SOCS5: variants seen among roughly 807,000 people sequenced by gnomAD.
The protein encoded by SOCS5 is CIS-6.
Under a neutral mutation model 42.8 loss-of-function variants are expected in SOCS5, and 32 were observed. The observed-to-expected ratio is 0.75, with a 90% confidence interval of 0.56 to 1.01. SOCS5 has a LOEUF of 1.01. Ranked by LOEUF, SOCS5 falls within the 50% of genes least tolerant of loss-of-function variation. The pLI is 0.00. For synonymous variants in SOCS5, 283 were observed against 229.6 expected, an observed-to-expected ratio of 1.23 and a Z score of -2.10; for missense variants, 627 against 653.0, an observed-to-expected ratio of 0.96 and a Z score of 0.43.
intron 1 of SOCS5, among the ~76,000 whole-genome samples, chr2:46,704,282 C>T (rs1270434290): frequency 1.3e-5 from 2 of 152,102 alleles, no homozygotes; most frequent in Non-Finnish European, 2.9e-5. Context: ...GTCCAGTCTT[C>T]CTATTCTGAG....
intron 1 of SOCS5, among the ~76,000 whole-genome samples, chr2:46,734,788 T>C (rs1300707380): frequency 5.9e-5 from 9 of 152,212 alleles, no homozygotes; most frequent in Non-Finnish European, 1.3e-4. Context: ...GTCTTAGTCA[T>C]TGAATAAGAC....
intron 1 of SOCS5, among the ~76,000 whole-genome samples, chr2:46,713,567 C>G (rs1672675861): frequency 6.6e-6 from 1 of 151,968 alleles, no homozygotes; most frequent in Non-Finnish European, 1.5e-5. Flanking sequence ...ATTAATCTAA[C>G]TTGAGAAAGG....
At chr2:46,727,452 ACT>A (rs1377612135) in intron 1 of SOCS5, among the ~76,000 whole-genome samples, 1 of 151,874 alleles carries the variant, frequency 6.6e-6, no homozygotes, top group East Asian at 1.9e-4. Flanking sequence ...ACATTATAAG[ACT>A]CTGGATCTTA....
At chr2:46,720,759 G>C (rs907398522) in intron 1 of SOCS5, among the ~76,000 whole-genome samples, 5 of 152,096 alleles carry the variant, frequency 3.3e-5, no homozygotes, top group Non-Finnish European at 5.9e-5. Context: ...TGCATCATAG[G>C]GGGTCCCTGG....
intron 1 of SOCS5, among the ~76,000 whole-genome samples, chr2:46,711,939 G>A (rs1672631926): frequency 6.6e-6 from 1 of 152,128 alleles, no homozygotes; most frequent in Non-Finnish European, 1.5e-5. Flanking sequence ...TCATCTGTTT[G>A]TCTTTCTGCC....
intron 1 of SOCS5, among the ~76,000 whole-genome samples, chr2:46,742,340 C>T (rs1673396889): frequency 6.7e-6 from 1 of 148,550 alleles, no homozygotes; most frequent in South Asian, 2.2e-4. Context: ...CTCTCCATAC[C>T]CCCACCCCCA....
intron 1 of SOCS5, among the ~76,000 whole-genome samples, chr2:46,752,409 G>C (rs576678039): frequency 6.6e-6 from 1 of 152,250 alleles, no homozygotes; most frequent in East Asian, 1.9e-4. Context: ...TGTTTTAGAA[G>C]TCTCTGAGTG....
chr2:46,751,739 A>C (rs1450964150), intron 1 of SOCS5, among the ~76,000 whole-genome samples: 5 of 152,202 alleles, frequency 3.3e-5, no homozygotes, highest in African/African-American at 1.2e-4. Context: ...TGTTCCATAG[A>C]ATGACTGTTA....
chr2:46,747,998 TA>T (rs899749566), intron 1 of SOCS5, among the ~76,000 whole-genome samples: 1 of 152,180 alleles, frequency 6.6e-6, no homozygotes, highest in Non-Finnish European at 1.5e-5. Context: ...TGCTAATTGG[TA>T]AAACCAAAAC....
chr2:46,728,335 C>G (rs1212184428), intron 1 of SOCS5, among the ~76,000 whole-genome samples: 1 of 152,122 alleles, frequency 6.6e-6, no homozygotes, highest in Non-Finnish European at 1.5e-5. Flanking sequence ...TGTTTTTACT[C>G]TATCTTGGTT....
chr2:46,706,230 T>C (rs1327103049), intron 1 of SOCS5, among the ~76,000 whole-genome samples: 1 of 152,248 alleles, frequency 6.6e-6, no homozygotes, highest in Non-Finnish European at 1.5e-5. Flanking sequence ...TATCCCATTT[T>C]ATAGAAGAGC....
At chr2:46,746,922 C>CTTTTTTTTTTTTTTTTTTTTTTT (rs11373537) in intron 1 of SOCS5, among the ~76,000 whole-genome samples, 1 of 70,792 alleles carries the variant, frequency 1.4e-5, no homozygotes, top group African/African-American at 4.7e-5. Context: ...GACTTTATTT[C>CTTTTTTTTTTTTTTTTTTTTTTT]TTTTTTTTTT....
At chr2:46,727,664 G>A (rs1021358099) in intron 1 of SOCS5, among the ~76,000 whole-genome samples, 1 of 152,130 alleles carries the variant, frequency 6.6e-6, no homozygotes, top group Non-Finnish European at 1.5e-5. Flanking sequence ...TTCGAGATAG[G>A]TGGTAATCTC....
At chr2:46,725,395 T>C (rs1197603510) in intron 1 of SOCS5, among the ~76,000 whole-genome samples, 8 of 152,096 alleles carry the variant, frequency 5.3e-5, no homozygotes, top group Admixed American at 5.2e-4. Context: ...GGCTCTGCTG[T>C]TTTATTATTT....
At chr2:46,739,871 A>G (rs1673330583) in intron 1 of SOCS5, among the ~76,000 whole-genome samples, 1 of 152,202 alleles carries the variant, frequency 6.6e-6, no homozygotes, top group Admixed American at 6.5e-5. Context: ...TCAATATACT[A>G]TAAGATATTT....
intron 1 of SOCS5, among the ~76,000 whole-genome samples, chr2:46,719,951 G>T (rs574277605): frequency 1.3e-5 from 2 of 152,196 alleles, no homozygotes; most frequent in South Asian, 4.1e-4. Flanking sequence ...GAAAGCAAAG[G>T]TAATTTAAAA....
chr2:46,737,856 TA>T (rs397872452), intron 1 of SOCS5, among the ~76,000 whole-genome samples: 160 of 141,544 alleles, frequency 1.1e-3, no homozygotes, highest in East Asian at 1.0e-3. Flanking sequence ...CTGTCCTTTC[TA>T]AAAAAAAAAA....
At chr2:46,724,950 G>C (rs1486713065) in intron 1 of SOCS5, among the ~76,000 whole-genome samples, 1 of 151,690 alleles carries the variant, frequency 6.6e-6, no homozygotes, top group Admixed American at 6.6e-5. Context: ...ATAGTTTTTT[G>C]AGAGGAGGGT....
chr2:46,727,271 C>T (rs1673019853), intron 1 of SOCS5, among the ~76,000 whole-genome samples: 1 of 151,902 alleles, frequency 6.6e-6, no homozygotes, highest in Non-Finnish European at 1.5e-5. Context: ...GCCTCAGCCT[C>T]CCGAGTAGCG....
Sources: gnomAD v4.1 joint callset for allele counts (sites outside exome capture counted in the v4.1 genomes callset) on GRCh38, gnomAD v4.1.1 for gene constraint, MANE v1.5 for transcripts, NCBI Gene and HGNC (gene_info 2026-07-23, HGNC 2026-07-21) for gene names.